Variants in SYTL3 observed in about 807,000 individuals in gnomAD.
SYTL3 encodes synaptotagmin-like protein 3.
A neutral mutation model predicts 82.1 loss-of-function variants in SYTL3; 88 were observed. The observed-to-expected ratio is 1.07, with a 90% CI of 0.90 to 1.28. SYTL3 has a LOEUF of 1.28. SYTL3 is among the 50% of genes most tolerant of loss of function. The pLI is 0.00. For missense variants in SYTL3, 831 were observed against 757.6 expected (o/e 1.10, Z -1.14); for synonymous variants, 311 against 289.4 (o/e 1.07, Z -0.76).
chr6:158,678,248 T>C (rs1188695300), intron 5 of SYTL3, among the ~76,000 whole-genome samples: 1 of 152,194 alleles, frequency 6.6e-6, no homozygotes, highest in African/African-American at 2.4e-5. Flanking sequence ...GGGGTACTGG[T>C]TGGAGAACAG....
Position 158,764,857 on chromosome 6 carries a change from G to A in SYTL3, c.*253G>A, listed in dbSNP as rs758441574. 1.0e-4 allele frequency: 39 copies of A among 390,160 alleles called. No homozygotes were observed. The highest frequency in any genetic ancestry group is 1.6e-4 in the Non-Finnish European group (34 of 215,576). 24.2% of individuals were successfully genotyped at this position (390,160 alleles called of 1,614,324 possible). A position where few individuals can be genotyped will look rare whatever the true frequency, so the allele number is the denominator to read the frequency against. On this transcript the variant is annotated 3_prime_UTR_variant, in exon 18 of 18. Coordinates refer to ENST00000611299, the MANE Select transcript of SYTL3 (RefSeq NM_001242394.2). ...AGAAAATGGCCAGATTTTAATAAAC[G>A]TTGTTACCCATGTCCTCCAGTGCTT...
chr6:158,705,565 G>C (rs377764048), intron 6 of SYTL3, among the ~76,000 whole-genome samples: 1 of 131,740 alleles, frequency 7.6e-6, no homozygotes, highest in Non-Finnish European at 1.7e-5. Flanking sequence ...ATAGAGCAGC[G>C]GGGGGGGACC....
At chr6:158,764,433 G>A in intron 17 of SYTL3, 62 bp from the exon 18 acceptor site, 1 of 1,253,020 alleles carries the variant, frequency 8.0e-7, no homozygotes, top group Non-Finnish European at 1.2e-6. Context: ...TTTTTAAAGG[G>A]ATGAGAGGGG....
intron 10 of SYTL3, among the ~76,000 whole-genome samples, chr6:158,718,888 A>G (rs889080087): frequency 6.6e-6 from 1 of 152,150 alleles, no homozygotes; most frequent in Admixed American, 6.5e-5. Flanking sequence ...GGTAGGCTGG[A>G]CAGAACTGGT....
At chr6:158,763,994 T>C (rs1428960609) in intron 17 of SYTL3, among the ~76,000 whole-genome samples, 2 of 152,184 alleles carry the variant, frequency 1.3e-5, no homozygotes, top group African/African-American at 4.8e-5. Flanking sequence ...CCTGACATGA[T>C]GACAACCAAA....
At chr6:158,752,941 T>G (rs1432377764) in intron 13 of SYTL3, among the ~76,000 whole-genome samples, 3 of 152,078 alleles carry the variant, frequency 2.0e-5, no homozygotes, top group Non-Finnish European at 4.4e-5. Context: ...ATTAGAATCC[T>G]CATTTACCCA....
At chr6:158,701,259 CTGGGGTGTAGATGAAGGAGTGTGAG>C (rs1781219710) in intron 6 of SYTL3, among the ~76,000 whole-genome samples, 3 of 5,494 alleles carry the variant, frequency 5.5e-4, no homozygotes, top group African/African-American at 2.7e-3. Flanking sequence ...GGAGTGTGAG[CTGGGGTGTAGATGAAGGAGTGTGAG>C]CTGGGGTGTA....
chr6:158,697,452 T>C (rs1780681879), intron 6 of SYTL3, among the ~76,000 whole-genome samples: 1 of 149,162 alleles, frequency 6.7e-6, no homozygotes, highest in South Asian at 2.1e-4. Context: ...AGTCAATCAA[T>C]CAGGGGGAAA....
chr6:158,671,586 G>A (rs1307944339), intron 5 of SYTL3, among the ~76,000 whole-genome samples: 1 of 151,982 alleles, frequency 6.6e-6, no homozygotes, highest in Non-Finnish European at 1.5e-5. Flanking sequence ...CCAACATGGT[G>A]AAATCCCATC....
chr6:158,762,003 T>G, intron 15 of SYTL3, 73 bp from the exon 16 acceptor site: 15 of 1,052,012 alleles, frequency 1.4e-5, no homozygotes, highest in East Asian at 2.4e-5. Flanking sequence ...AGCTCTCGGT[T>G]TTGGGGTGGT....
chr6:158,677,767 A>G (rs1461310907), intron 5 of SYTL3, among the ~76,000 whole-genome samples: 2 of 151,412 alleles, frequency 1.3e-5, no homozygotes, highest in Non-Finnish European at 3.0e-5. Flanking sequence ...ATCCAACTGT[A>G]TGCTTGCATA....
At chr6:158,672,031 C>T (rs1777438149) in intron 5 of SYTL3, among the ~76,000 whole-genome samples, 1 of 152,112 alleles carries the variant, frequency 6.6e-6, no homozygotes, top group South Asian at 2.1e-4. Context: ...TTCCTCACAC[C>T]TGTAATCCCA....
chr6:158,714,026 C>T (rs545989548), intron 9 of SYTL3, 148 bp downstream of exon 9: 104 of 649,946 alleles, frequency 1.6e-4, no homozygotes, highest in Middle Eastern at 3.7e-4. Context: ...CAGCACCTGG[C>T]CCTTCATCTC....
chr6:158,728,803 G>C (rs369432852), intron 11 of SYTL3, among the ~76,000 whole-genome samples: 1 of 152,306 alleles, frequency 6.6e-6, no homozygotes, highest in Non-Finnish European at 1.5e-5. Flanking sequence ...AGCCGGGCGC[G>C]GTGGCGCCAC....
At chr6:158,751,475 CAG>C (rs1213314968) in intron 12 of SYTL3, among the ~76,000 whole-genome samples, 1 of 152,190 alleles carries the variant, frequency 6.6e-6, no homozygotes, top group Non-Finnish European at 1.5e-5. Context: ...TTGGGAGGAG[CAG>C]AGTCTTTGAG....
chr6:158,651,573 C>CA (rs900874383), intron 1 of SYTL3, among the ~76,000 whole-genome samples, 180 bp from the exon 2 acceptor site: 1 of 151,710 alleles, frequency 6.6e-6, no homozygotes, highest in Non-Finnish European at 1.5e-5. Flanking sequence ...GGTGACAGAG[C>CA]GAGACTCCAT....
rs1206496817 is a variant in SYTL3, at chr6:158,706,261, T to C, written c.395-969T>C. ...ACTCCTGCACTCGCTATGGCCAGCCTGGCTAAGGACCCTGATCTAGGGGCT... is the reference window on the plus strand; with the variant it reads ...ACTCCTGCACTCGCTATGGCCAGCCCGGCTAAGGACCCTGATCTAGGGGCT... On this transcript the variant is annotated intron_variant, in intron 6 of 17. Coordinates refer to ENST00000611299, the MANE Select transcript of SYTL3 (RefSeq NM_001242394.2). 5.3e-5 allele frequency among the ~76,000 whole-genome samples: 8 copies of C among 152,258 alleles called. No homozygotes were observed. The East Asian group carries it at 1.3e-3, about 26-fold the overall frequency.
intron 10 of SYTL3, among the ~76,000 whole-genome samples, chr6:158,720,735 G>T (rs117938288): frequency 0.011 from 1,632 of 152,284 alleles, 27 homozygotes; most frequent in Non-Finnish European, 0.011. Flanking sequence ...CCTTAAGACA[G>T]CCCTATGAAG....
intron 13 of SYTL3, among the ~76,000 whole-genome samples, chr6:158,753,729 C>CA (rs11419212): frequency 0.48 from 52,308 of 109,580 alleles, 13,390 homozygotes; most frequent in African/African-American, 0.73. Flanking sequence ...GACTCCGTCT[C>CA]AAAAAAAAAA....
Sources: allele counts gnomAD v4.1 joint callset (sites outside exome capture counted in the v4.1 genomes callset), GRCh38; gene constraint gnomAD v4.1.1; transcripts MANE v1.5; gene names NCBI Gene and HGNC (gene_info 2026-07-23, HGNC 2026-07-21).